The following PDE4D variants were observed in gnomAD, a reference collection of about 807,000 sequenced individuals.
The protein encoded by PDE4D is 3',5'-cyclic-AMP phosphodiesterase 4D.
A neutral mutation model predicts 87.4 loss-of-function variants in PDE4D; 24 were observed. The observed-to-expected ratio is 0.27, with a 90% CI of 0.20 to 0.39. PDE4D has a LOEUF of 0.39. Among genes scored for constraint, PDE4D ranks in the 10% least tolerant of loss-of-function variants. PDE4D has a pLI of 1.00. For synonymous variants in PDE4D, 384 were observed against 383.2 expected (o/e 1.00, Z -0.02); for missense variants, 714 against 1,041.0 (o/e 0.69, Z 4.32).
intron 6 of PDE4D, among the ~76,000 whole-genome samples, chr5:59,034,700 T>A (rs903948443): frequency 2.6e-4 from 40 of 152,124 alleles, no homozygotes; most frequent in African/African-American, 9.4e-4. Context: ...ACAAAATAAA[T>A]TCCATAAAGA....
At chr5:59,278,702 T>C (rs1408704991) in intron 1 of PDE4D, among the ~76,000 whole-genome samples, 1 of 152,156 alleles carries the variant, frequency 6.6e-6, no homozygotes, top group East Asian at 1.9e-4. Flanking sequence ...AAGGTAACTT[T>C]ATATTTATTC....
chr5:59,239,709 A>G lies in PDE4D; in HGVS notation c.456-23741T>C, dbSNP rs570825687. Among the ~76,000 whole-genome samples, 6 of 152,266 alleles carry G rather than the reference A, an allele frequency of 3.9e-5. No homozygotes were observed. In the East Asian group the frequency reaches 1.2e-3, roughly 29 times the overall value. On this transcript the variant is annotated intron_variant, in intron 1 of 14. Transcript: ENST00000340635. The stretch of plus-strand genomic sequence containing the variant: ...CTGATGCTTTAACTCTAGGTTCCCA[A>G]ATGCCATTTAGCTCCCCAAGCATCG...
intron 1 of PDE4D, among the ~76,000 whole-genome samples, chr5:59,598,597 T>C (rs1583265411): frequency 1.3e-5 from 2 of 151,770 alleles, no homozygotes; most frequent in East Asian, 3.9e-4. Flanking sequence ...TGTGGGAGGG[T>C]TGAATATTTT....
chr5:59,731,877 T>C (rs1757405935), intron 1 of PDE4D, among the ~76,000 whole-genome samples: 1 of 152,166 alleles, frequency 6.6e-6, no homozygotes. Flanking sequence ...TCCTAAACTA[T>C]TCATTAATTT....
chr5:59,347,951 G>A (rs924085639), intron 1 of PDE4D, among the ~76,000 whole-genome samples: 2 of 152,108 alleles, frequency 1.3e-5, no homozygotes, highest in Admixed American at 1.3e-4. Flanking sequence ...CTTTGTAAAG[G>A]TTTCCCTGGC....
Position 58,991,972 on chromosome 5 carries a change from T to G in PDE4D, c.1048A>C (p.Thr350Pro). 2.5e-6 allele frequency: 4 copies of G among 1,588,306 alleles called. No homozygotes were observed. Among genetic ancestry groups the G allele is most frequent in the Non-Finnish European group, 3.4e-6 (4 of 1,168,332 alleles). Residue 350 changes from threonine to proline, a missense_variant, in exon 8 of 15, where the codon ACT becomes CCT. Physicochemically the swap from Thr to Pro is conservative, Grantham distance 38 (BLOSUM62 -1). Around this residue, in one of 7 missense-constraint regions of PDE4D, gnomAD observed 141 missense variants for 204.3 expected, o/e 0.69. Coordinates refer to ENST00000340635, the MANE Select transcript of PDE4D (RefSeq NM_001104631.2). The part of the protein sequence containing the change: ...KQHEVEIPSP[T>P]QKEKEKKKRP... ...TTCTTTTTCTCCTTTTCCTTCTGAG[T>G]TGGAGAAGGAATTTCCACTTCATGT...
chr5:59,887,066 G>C (rs1750271211), intron 1 of PDE4D, among the ~76,000 whole-genome samples: 1 of 152,126 alleles, frequency 6.6e-6, no homozygotes, highest in Admixed American at 6.5e-5. Flanking sequence ...TTCTGAGGAC[G>C]ATTCAAAAGA....
chr5:59,035,683 A>C (rs1471691732), intron 6 of PDE4D, among the ~76,000 whole-genome samples: 1 of 152,258 alleles, frequency 6.6e-6, no homozygotes, highest in African/African-American at 2.4e-5. Context: ...ACTGAAGCTA[A>C]AAAAAATTGA....
At chr5:59,271,943 C>T (rs867975002) in intron 1 of PDE4D, among the ~76,000 whole-genome samples, 3 of 151,770 alleles carry the variant, frequency 2.0e-5, no homozygotes, top group Non-Finnish European at 4.4e-5. Flanking sequence ...AAAATAACCA[C>T]TACCAAAAGC....
chr5:59,349,384 G>C (rs924773628), intron 1 of PDE4D, among the ~76,000 whole-genome samples: 84 of 152,176 alleles, frequency 5.5e-4, no homozygotes, highest in Non-Finnish European at 6.0e-4. Context: ...GGAGTACCAA[G>C]GTAAAGTGTA....
chr5:58,975,772 T>C lies in PDE4D; in HGVS notation c.1898A>G (p.Gln633Arg), dbSNP rs1313358018. Residue 633 changes from glutamine to arginine, a missense_variant, in exon 14 of 15, where the codon CAG becomes CGG. Gln to Arg is a conservative substitution (Grantham distance 43). Around this residue, in one of 7 missense-constraint regions of PDE4D, gnomAD observed 97 missense variants for 176.9 expected, o/e 0.55. Transcript: ENST00000340635. This position sits in a 1 kb window ranked among gnomAD's most constrained non-coding sequence, Gnocchi z 4.2. The stretch of plus-strand genomic sequence containing the variant: ...CTCCTCCATTATCCGGTCCGTCCAC[T>C]GGCGGTACAGCTGGAGAGGCTTTGT... ...NPTKPLQLYR[Q>R]WTDRIMEEFF... The C allele has an allele frequency of 6.2e-7, 1 of 1,612,920 alleles. No individual in the cohort carries two copies.
intron 5 of PDE4D, among the ~76,000 whole-genome samples, chr5:59,075,913 GTTAT>G (rs1765620516): frequency 1.3e-5 from 2 of 151,934 alleles, no homozygotes; most frequent in South Asian, 4.2e-4. Flanking sequence ...TGTAAATGAG[GTTAT>G]TTAGTTATCC....
chr5:59,605,412 C>T (rs1272991600), intron 1 of PDE4D, among the ~76,000 whole-genome samples: 4 of 151,972 alleles, frequency 2.6e-5, no homozygotes, highest in South Asian at 4.1e-4. Flanking sequence ...AAAATCAAAA[C>T]ATCCCATCAA....
intron 1 of PDE4D, among the ~76,000 whole-genome samples, chr5:59,500,532 T>C (rs1405252091): frequency 6.6e-6 from 1 of 152,150 alleles, no homozygotes; most frequent in Non-Finnish European, 1.5e-5. Flanking sequence ...ATGTTCTTAC[T>C]TATAAGTGGG....
chr5:60,505,143 G>C (rs1277279806), intron 1 of PDE4D, among the ~76,000 whole-genome samples: 1 of 152,220 alleles, frequency 6.6e-6, no homozygotes, highest in African/African-American at 2.4e-5. Context: ...AGACTATACA[G>C]ACAGAATAGA....
At chr5:60,025,399 T>TG (rs1766521938) in intron 2 of PDE4D, among the ~76,000 whole-genome samples, 1 of 152,174 alleles carries the variant, frequency 6.6e-6, no homozygotes, top group African/African-American at 2.4e-5. Context: ...TTGAGCTTCT[T>TG]GAATACCAAC....
intron 5 of PDE4D, among the ~76,000 whole-genome samples, chr5:59,122,441 G>T (rs903846749): frequency 6.6e-6 from 1 of 152,000 alleles, no homozygotes; most frequent in Non-Finnish European, 1.5e-5. Context: ...TTGATTAATG[G>T]GTGCAAACAC....
intron 2 of PDE4D, among the ~76,000 whole-genome samples, chr5:60,114,572 A>T (rs556274248): frequency 6.6e-6 from 1 of 152,176 alleles, no homozygotes; most frequent in South Asian, 2.1e-4. Context: ...TAATTACTGA[A>T]TCTGGTTCCC....
chr5:59,744,421 A>C (rs940786396), intron 1 of PDE4D, among the ~76,000 whole-genome samples: 2 of 152,136 alleles, frequency 1.3e-5, no homozygotes, highest in Non-Finnish European at 1.5e-5. Flanking sequence ...ACAAGGTCAA[A>C]CTTTGTTATT....
Sources: allele counts gnomAD v4.1 joint callset (sites outside exome capture counted in the v4.1 genomes callset), GRCh38; gene constraint gnomAD v4.1.1; regional missense constraint gnomAD v4.1.1; non-coding constraint Gnocchi (gnomAD v3.1); transcripts MANE v1.5; gene names NCBI Gene and HGNC (gene_info 2026-07-23, HGNC 2026-07-21).